The following TMC1 variants were observed in gnomAD, a reference collection of about 807,000 sequenced individuals.
TMC1 encodes transmembrane channel-like protein 1.
TMC1 carries 84 observed loss-of-function variants against 105.8 expected under a neutral mutation model. That is an observed-to-expected ratio of 0.79 (90% CI 0.67 to 0.95). TMC1 has a LOEUF of 0.95. TMC1 is among the 40% of genes least tolerant of loss of function. The probability of loss-of-function intolerance (pLI) is 0.00; values close to 1 mark genes in which losing one functional copy is unlikely to be tolerated. For synonymous variants in TMC1, 315 were observed against 311.5 expected (o/e 1.01, Z -0.12); for missense variants, 817 against 914.1 (o/e 0.89, Z 1.37).
chr9:72,779,729 G>A (rs2118150278), intron 13 of TMC1, among the ~76,000 whole-genome samples: 1 of 152,218 alleles, frequency 6.6e-6, no homozygotes, highest in South Asian at 2.1e-4. Flanking sequence ...GAATAAAAAG[G>A]AATGAACAAA....
chr9:72,557,935 G>T (rs1306643082), intron 1 of TMC1, among the ~76,000 whole-genome samples: 1 of 152,186 alleles, frequency 6.6e-6, no homozygotes, highest in African/African-American at 2.4e-5. Flanking sequence ...AGCTGGGTCA[G>T]TGTGGAAGGC....
chr9:72,665,365 T>C (rs1320426363), intron 5 of TMC1, among the ~76,000 whole-genome samples: 1 of 152,242 alleles, frequency 6.6e-6, no homozygotes, highest in African/African-American at 2.4e-5. Flanking sequence ...TCCTGCTTAG[T>C]GGAGGTGTTA....
rs868456133 is a variant in TMC1, at chr9:72,789,168, C to T, written c.1075C>T (p.His359Tyr). ...EKAAQVEENV[H>Y]LIRFLRFLAN... ...AGCAGCCCAAGTAGAAGAAAACGTC[C>T]ACTTGATCAGATTCCTGAGGTTTCT... The change falls in exon 15 of 24, where the codon CAC becomes TAC. Residue 359 changes from histidine to tyrosine, a missense_variant. Coordinates refer to ENST00000297784, the MANE Select transcript of TMC1 (RefSeq NM_138691.3). 6.2e-7 allele frequency: 1 copy of T among 1,613,410 alleles called. No homozygotes were observed. The highest frequency in any genetic ancestry group is 8.5e-7 in the Non-Finnish European group (1 of 1,179,946).
chr9:72,545,275 ACTT>A (rs1393214641), intron 1 of TMC1, among the ~76,000 whole-genome samples: 2 of 151,686 alleles, frequency 1.3e-5, no homozygotes, highest in Non-Finnish European at 2.9e-5. Flanking sequence ...TGAATGGCTG[ACTT>A]CTTCTTATGC....
intron 20 of TMC1, among the ~76,000 whole-genome samples, chr9:72,823,836 AAT>A (rs766251736): frequency 6.6e-6 from 1 of 152,204 alleles, no homozygotes; most frequent in Non-Finnish European, 1.5e-5. Context: ...CTGCAAAGAT[AAT>A]ATGTGTTTAT....
chr9:72,618,448 CTG>C (rs1251897683), intron 3 of TMC1, among the ~76,000 whole-genome samples: 2 of 152,098 alleles, frequency 1.3e-5, no homozygotes, highest in Non-Finnish European at 2.9e-5. Context: ...ATTAAACTAA[CTG>C]TAAGTTGAGT....
At chr9:72,538,697 C>T (rs1398446624) in intron 1 of TMC1, among the ~76,000 whole-genome samples, 1 of 152,098 alleles carries the variant, frequency 6.6e-6, no homozygotes, top group Non-Finnish European at 1.5e-5. Flanking sequence ...CCTTGGCCTC[C>T]CAAAGTGCTG....
At chr9:72,635,046 C>G (rs1825511093) in intron 4 of TMC1, among the ~76,000 whole-genome samples, 1 of 152,082 alleles carries the variant, frequency 6.6e-6, no homozygotes, top group Non-Finnish European at 1.5e-5. Flanking sequence ...CATCTGAGGT[C>G]AGCAGTTTAA....
chr9:72,643,504 G>A (rs369356833), intron 4 of TMC1, among the ~76,000 whole-genome samples: 2 of 151,906 alleles, frequency 1.3e-5, no homozygotes, highest in Non-Finnish European at 2.9e-5. Flanking sequence ...GATCTGCTTT[G>A]TGTCACTGCA....
intron 13 of TMC1, among the ~76,000 whole-genome samples, chr9:72,782,911 C>T (rs1419698540): frequency 6.6e-6 from 1 of 152,078 alleles, no homozygotes; most frequent in African/African-American, 2.4e-5. Flanking sequence ...ATACAAATAA[C>T]AGTTTTTAGA....
chr9:72,615,858 A>T (rs1825117612), intron 2 of TMC1, among the ~76,000 whole-genome samples: 1 of 151,812 alleles, frequency 6.6e-6, no homozygotes, highest in Non-Finnish European at 1.5e-5. Context: ...GGTTTAAGCA[A>T]TTCTTGTGCC....
chr9:72,745,505 A>T (rs563252995), intron 10 of TMC1, among the ~76,000 whole-genome samples: 2 of 152,060 alleles, frequency 1.3e-5, no homozygotes, highest in Non-Finnish European at 2.9e-5. Flanking sequence ...TCATTTTCTC[A>T]TGTATTTACT....
intron 10 of TMC1, among the ~76,000 whole-genome samples, chr9:72,748,590 A>C (rs956429505): frequency 1.9e-4 from 29 of 152,050 alleles, no homozygotes; most frequent in African/African-American, 7.0e-4. Context: ...TAAAATTGCT[A>C]TTCTTTTCAT....
chr9:72,779,887 A>G (rs1828064668), intron 13 of TMC1, among the ~76,000 whole-genome samples: 1 of 152,208 alleles, frequency 6.6e-6, no homozygotes, highest in Non-Finnish European at 1.5e-5. Context: ...AGAGAGGTCA[A>G]CATTCAGATT....
intron 17 of TMC1, 50 bp from the exon 18 acceptor site, chr9:72,805,332 A>C: frequency 1.2e-6 from 2 of 1,606,046 alleles, no homozygotes; most frequent in Non-Finnish European, 1.7e-6. Flanking sequence ...CAACACTAGG[A>C]CCATTTGAAG....
chr9:72,700,935 G>A (rs1564500152), intron 8 of TMC1, among the ~76,000 whole-genome samples: 1 of 151,744 alleles, frequency 6.6e-6, no homozygotes, highest in African/African-American at 2.4e-5. Flanking sequence ...TCACTAGAGA[G>A]ACTGGGCTAA....
chr9:72,683,471 A>T (rs1388879348), intron 5 of TMC1, among the ~76,000 whole-genome samples: 2 of 151,762 alleles, frequency 1.3e-5, no homozygotes, highest in African/African-American at 4.8e-5. Context: ...TCAGAGTATA[A>T]TATTACACAG....
At chr9:72,539,944 C>T (rs1264198391) in intron 1 of TMC1, among the ~76,000 whole-genome samples, 2 of 152,172 alleles carry the variant, frequency 1.3e-5, no homozygotes, top group Admixed American at 1.3e-4. Flanking sequence ...AGGAAGCTTC[C>T]ATTCATGGCA....
chr9:72,607,415 C>A (rs888126794), intron 2 of TMC1, among the ~76,000 whole-genome samples: 1 of 147,796 alleles, frequency 6.8e-6, no homozygotes, highest in Non-Finnish European at 1.5e-5. Flanking sequence ...GTCAGAAGAT[C>A]GAGACCATCC....
Sources: gnomAD v4.1 joint callset for allele counts (sites outside exome capture counted in the v4.1 genomes callset) on GRCh38, gnomAD v4.1.1 for gene constraint, MANE v1.5 for transcripts, NCBI Gene and HGNC (gene_info 2026-07-23, HGNC 2026-07-21) for gene names.